Variants in PKD1L3 observed in about 807,000 individuals in gnomAD.
The protein encoded by PKD1L3 is polycystin 1 like 3, transient receptor potential channel interacting, also known as polycystin-1-like protein 3.
PKD1L3 carries 239 observed loss-of-function variants against 184.1 expected under a neutral mutation model. That is an observed-to-expected ratio of 1.30 (90% CI 1.17 to 1.45). PKD1L3 has a LOEUF of 1.45. PKD1L3 is among the 40% of genes most tolerant of loss of function. The pLI is 0.00. For missense variants in PKD1L3, 2,660 were observed against 2,067.2 expected (o/e 1.29, Z -5.56); for synonymous variants, 996 against 778.8 (o/e 1.28, Z -4.64).
chr16:71,980,530 T>TC (rs2040108168), intron 7 of PKD1L3, among the ~76,000 whole-genome samples: 3 of 152,148 alleles, frequency 2.0e-5, no homozygotes, highest in African/African-American at 7.2e-5. Context: ...TTAGGATTCA[T>TC]CCTCCCTAAA....
chr16:71,943,904 T>C, intron 23 of PKD1L3, 126 bp downstream of exon 23: 5 of 1,179,354 alleles, frequency 4.2e-6, no homozygotes, highest in Non-Finnish European at 4.7e-6. Flanking sequence ...ATCCCAAATC[T>C]CACAGGGTGA....
rs896584077 is a variant in PKD1L3 at position 71,954,191 on chromosome 16, C to T, written c.2723G>A (p.Cys908Tyr). 3 of 1,551,668 alleles carry T rather than the reference C, an allele frequency of 1.9e-6. No homozygotes were observed. The African/African-American group carries it at 4.1e-5, about 21-fold the overall frequency. ...GTTGCAGAGTAGCAGTGTCATGCAG[C>T]AAGACAGCCGTTGGACCCTTGTAAA... ...NQFTRVQRLS[C>Y]CMTLLLCNMV... The change falls in exon 17 of 30, where the codon TGC (cysteine) becomes TAC (tyrosine). Residue 908 changes from cysteine (C) to tyrosine (Y), a missense_variant. Cys to Tyr is a radical substitution (Grantham distance 194). Transcript: ENST00000620267.
At chr16:71,958,012 A>G (rs1253129616) in intron 16 of PKD1L3, among the ~76,000 whole-genome samples, 1 of 152,218 alleles carries the variant, frequency 6.6e-6, no homozygotes, top group African/African-American at 2.4e-5. Flanking sequence ...AAGACAATGT[A>G]TTAAAATCTT....
At chr16:71,955,846 T>C (rs1011184265) in intron 16 of PKD1L3, among the ~76,000 whole-genome samples, 2 of 152,148 alleles carry the variant, frequency 1.3e-5, no homozygotes, top group African/African-American at 4.8e-5. Flanking sequence ...TCATTCTCCT[T>C]GCTGCCATGT....
chr16:71,993,048 T>A (rs1340772258), intron 3 of PKD1L3, among the ~76,000 whole-genome samples, 168 bp downstream of exon 3: 2 of 152,140 alleles, frequency 1.3e-5, no homozygotes, highest in Non-Finnish European at 2.9e-5. Context: ...AGAAAACACA[T>A]ACATAAAATG....
chr16:71,952,884 C>T lies in PKD1L3; in HGVS notation c.3009+10G>A. 2 of 1,530,776 alleles carry T rather than the reference C, an allele frequency of 1.3e-6. No homozygotes were observed. The highest frequency in any genetic ancestry group is 1.8e-6 in the Non-Finnish European group (2 of 1,139,996). 94.8% of individuals were successfully genotyped at this position (1,530,776 alleles called of 1,614,324 possible). A position where few individuals can be genotyped will look rare whatever the true frequency, so the allele number is the denominator to read the frequency against. On this transcript the variant is annotated intron_variant, in intron 18 of 29. Transcript: ENST00000620267. ...AAATAAGATAAAATAAAATTTGATA[C>T]CAATCTTACCTCAACTACCATTGTG...
chr16:71,973,278 G>A, intron 12 of PKD1L3, 46 bp downstream of exon 12: 1 of 1,530,450 alleles, frequency 6.5e-7, no homozygotes, highest in East Asian at 2.5e-5. Context: ...GGGCTTAACA[G>A]TAGCTATGGC....
chr16:71,951,867 CAATTTTTCATGTTCCTCT>C, intron 18 of PKD1L3, 123 bp from the exon 19 acceptor site: 2 of 841,650 alleles, frequency 2.4e-6, no homozygotes, highest in Non-Finnish European at 3.5e-6. Context: ...CAAAGAACCT[CAATTTTTCATGTTCCTCT>C]AATTTTTCAG....
chr16:71,999,543 C>T (rs868101929), intron 1 of PKD1L3, 141 bp downstream of exon 1: 1 of 839,120 alleles, frequency 1.2e-6, no homozygotes, highest in Middle Eastern at 3.8e-4. Flanking sequence ...GGAAATATTT[C>T]AGAGGAAAGA....
rs188409410 is a variant in PKD1L3, at chr16:71,987,364, G to A, written c.586-895C>T. Among the ~76,000 whole-genome samples, 4 of 151,926 alleles carry A rather than the reference G, an allele frequency of 2.6e-5. No homozygotes were observed. The South Asian group carries it at 6.2e-4, about 24-fold the overall frequency. ...GCCTCCCAAGCAGCTGGGACTACAGGCACACACCACCATGCCTGGCTACTT... is the reference window on the plus strand; with the variant it reads ...GCCTCCCAAGCAGCTGGGACTACAGACACACACCACCATGCCTGGCTACTT... On this transcript the variant is annotated intron_variant, in intron 4 of 29. Transcript: ENST00000620267.
intron 15 of PKD1L3, among the ~76,000 whole-genome samples, chr16:71,963,597 C>T (rs1006784582): frequency 4.6e-5 from 7 of 152,212 alleles, no homozygotes; most frequent in Non-Finnish European, 1.0e-4. Context: ...GCTTGGGCAA[C>T]GTCGCAAAAT....
At chr16:71,958,880 A>C (rs2039158181) in intron 16 of PKD1L3, among the ~76,000 whole-genome samples, 1 of 149,156 alleles carries the variant, frequency 6.7e-6, no homozygotes, top group African/African-American at 2.5e-5. Flanking sequence ...TGAGCGCAGG[A>C]GTTTGAGACC....
intron 15 of PKD1L3, among the ~76,000 whole-genome samples, chr16:71,963,591 G>A (rs1420488025): frequency 1.3e-5 from 2 of 152,226 alleles, no homozygotes; most frequent in Admixed American, 1.3e-4. Flanking sequence ...AGCACAGCTT[G>A]GGCAACGTCG....
In PKD1L3 at chr16:71,967,898, T is replaced by A; in HGVS notation, c.2286+8A>T. 1 of 1,544,348 alleles carries A rather than the reference T, an allele frequency of 6.5e-7. No individual in the cohort carries two copies. Among genetic ancestry groups the A allele is most frequent in the Non-Finnish European group, 8.8e-7 (1 of 1,141,260 alleles). ...CAAGGCAATGTGAAAAACATTTATT[T>A]CATTAACCTTAGCTGTTGTAGCAGC... is the stretch of plus-strand genomic sequence containing the variant. On this transcript the variant is annotated splice_region_variant and intron_variant, in intron 14 of 29. Transcript: ENST00000620267.
chr16:71,932,819 A>G (rs1294427076), intron 28 of PKD1L3, among the ~76,000 whole-genome samples: 2 of 134,842 alleles, frequency 1.5e-5, no homozygotes, highest in East Asian at 4.6e-4. Flanking sequence ...TTAAATAGAC[A>G]TAGGGTCTGG....
intron 13 of PKD1L3, among the ~76,000 whole-genome samples, chr16:71,968,833 C>T (rs537001714): frequency 3.6e-4 from 55 of 151,696 alleles, no homozygotes; most frequent in African/African-American, 1.2e-3. Context: ...TGACCTCAAG[C>T]GATCCACCTG....
intron 27 of PKD1L3, 123 bp downstream of exon 27, chr16:71,933,792 T>A (rs4788581): frequency 0.77 from 862,253 of 1,115,012 alleles, 335,833 homozygotes; most frequent in East Asian, 0.97. Context: ...TGGAACTAGA[T>A]CTAAACCCGG....
chr16:71,995,123 G>C (rs7191441), intron 2 of PKD1L3, among the ~76,000 whole-genome samples: 39,848 of 152,090 alleles, frequency 0.26, 6,690 homozygotes, highest in African/African-American at 0.47. Flanking sequence ...GAGGCTGGAC[G>C]TCCAAGAAGA....
intron 11 of PKD1L3, among the ~76,000 whole-genome samples, chr16:71,976,991 C>T (rs957521783): frequency 1.3e-5 from 2 of 152,228 alleles, no homozygotes; most frequent in African/African-American, 4.8e-5. Context: ...GATCTGCCCG[C>T]CTCGGCCTCC....
Sources: gnomAD v4.1 joint callset for allele counts (sites outside exome capture counted in the v4.1 genomes callset) on GRCh38, gnomAD v4.1.1 for gene constraint, MANE v1.5 for transcripts, NCBI Gene and HGNC (gene_info 2026-07-23, HGNC 2026-07-21) for gene names.